MUSK: variants seen among roughly 807,000 people sequenced by gnomAD.
The protein encoded by MUSK is muscle associated receptor tyrosine kinase.
MUSK carries 55 observed loss-of-function variants against 88.7 expected under a neutral mutation model. The ratio of observed to expected loss-of-function variants is 0.62; its 90% confidence interval spans 0.50 to 0.78. The LOEUF is 0.78. Ranked by LOEUF, MUSK falls within the 30% of genes least tolerant of loss-of-function variation. The pLI is 0.00. For missense variants in MUSK, 1,015 were observed against 1,074.3 expected (o/e 0.94, Z 0.77); for synonymous variants, 387 against 391.9 (o/e 0.99, Z 0.15).
chr9:110,728,553 T>C (rs778707221), intron 5 of MUSK: 1 of 664,702 alleles, frequency 1.5e-6, no homozygotes, highest in Non-Finnish European at 2.6e-6. Flanking sequence ...CTTATTGAAA[T>C]AAGAAACAAG....
At chr9:110,698,270 A>G (rs1338156084) in intron 5 of MUSK, among the ~76,000 whole-genome samples, 2 of 152,176 alleles carry the variant, frequency 1.3e-5, no homozygotes, top group African/African-American at 4.8e-5. Context: ...GGTTTGCTCT[A>G]TTTAATGAAG....
At chr9:110,797,172 A>C in intron 14 of MUSK, among the ~76,000 whole-genome samples, 1 of 138,036 alleles carries the variant, frequency 7.2e-6, no homozygotes, top group African/African-American at 2.7e-5. Context: ...CAAAAAAAAA[A>C]AAAAAAAAAA....
chr9:110,785,679 A>G lies in MUSK; in HGVS notation c.1739A>G (p.Asp580Gly), dbSNP rs2077844668. The G allele has an allele frequency of 1.2e-6, 2 of 1,610,470 alleles. No individual in the cohort carries two copies. Among genetic ancestry groups the G allele is most frequent in the South Asian group, 2.2e-5 (2 of 90,370 alleles). ...YPRNNIEYVRDIGEGAFGRVF... is the reference protein window; with the variant it reads ...YPRNNIEYVRGIGEGAFGRVF... ...AGGAATAACATTGAATATGTGAGAG[A>G]CATCGGAGAGGGAGCGTTTGGAAGG... The change falls in exon 13 of 15, where the codon GAC becomes GGC. Residue 580 changes from aspartate (D) to glycine (G), a missense_variant. Asp to Gly is a moderately conservative substitution (Grantham distance 94). Coordinates refer to ENST00000374448, the MANE Select transcript of MUSK (RefSeq NM_005592.4).
intron 1 of MUSK, among the ~76,000 whole-genome samples, chr9:110,680,019 C>T (rs1011311263): frequency 6.6e-6 from 1 of 152,048 alleles, no homozygotes; most frequent in Non-Finnish European, 1.5e-5. Context: ...TTATAACTCA[C>T]CCCTTTCTTT....
chr9:110,696,784 A>C (rs2076435092), intron 4 of MUSK, among the ~76,000 whole-genome samples: 1 of 152,098 alleles, frequency 6.6e-6, no homozygotes, highest in African/African-American at 2.4e-5. Flanking sequence ...GATAGTTAAA[A>C]GCAATGTGTT....
chr9:110,680,429 G>C (rs1313895273), intron 1 of MUSK, among the ~76,000 whole-genome samples: 1 of 149,012 alleles, frequency 6.7e-6, no homozygotes. Context: ...TATCACTCAG[G>C]CTGGAGTGCA....
chr9:110,784,972 T>C lies in MUSK; in HGVS notation c.1542T>C (p.Thr514=). 1.2e-6 allele frequency: 2 copies of C among 1,613,778 alleles called. No individual in the cohort carries two copies. The highest frequency in any genetic ancestry group is 1.7e-6 in the Non-Finnish European group (2 of 1,179,830). ...TATTTGTGCTTCTTACCATAACTAC[T>C]CTCTATTGCTGCCGAAGAAGAAAAC... is the stretch of plus-strand genomic sequence containing the variant. The part of the protein sequence containing the change: ...FAIFVLLTIT[T]LYCCRRRKQW... Residue 514 remains threonine, a synonymous_variant, in exon 12 of 15, where the codon ACT becomes ACC. Coordinates refer to ENST00000374448, the MANE Select transcript of MUSK (RefSeq NM_005592.4).
chr9:110,769,459 A>C (rs1349246828), intron 9 of MUSK, among the ~76,000 whole-genome samples: 1 of 152,154 alleles, frequency 6.6e-6, no homozygotes, highest in Non-Finnish European at 1.5e-5. Context: ...AAGGGGAAAG[A>C]GAAGGAGAGA....
intron 5 of MUSK, among the ~76,000 whole-genome samples, chr9:110,708,303 T>C (rs564379728): frequency 1.3e-5 from 2 of 152,322 alleles, no homozygotes; most frequent in East Asian, 1.9e-4. Flanking sequence ...TGATTTGCTT[T>C]TTCCTTTGTT....
chr9:110,780,967 C>G (rs1361800249), intron 11 of MUSK, among the ~76,000 whole-genome samples: 1 of 152,122 alleles, frequency 6.6e-6, no homozygotes, highest in African/African-American at 2.4e-5. Flanking sequence ...TGCTATTCCA[C>G]CTCGTAAAAC....
chr9:110,688,732 G>A lies in MUSK; in HGVS notation c.358+1464G>A, dbSNP rs1308108881. Among the ~76,000 whole-genome samples, 3 of 151,760 alleles carry A rather than the reference G, an allele frequency of 2.0e-5. No homozygotes were observed. The East Asian group carries it at 5.8e-4, about 29-fold the overall frequency. ...ATGCAGTGTTTGGTTATCTGTTCCT[G>A]CATTAGTTTACTGAGGATAATGGCT... is the stretch of plus-strand genomic sequence containing the variant. On this transcript the variant is annotated intron_variant, in intron 3 of 14. Coordinates refer to ENST00000374448, the MANE Select transcript of MUSK (RefSeq NM_005592.4).
chr9:110,776,527 A>C (rs1252847049), intron 10 of MUSK, 105 bp from the exon 11 acceptor site: 2 of 923,916 alleles, frequency 2.2e-6, no homozygotes, highest in African/African-American at 3.3e-5. Context: ...GTTGTATATT[A>C]AAAAGCTGAG....
chr9:110,765,762 C>G (rs2077472309), intron 8 of MUSK, among the ~76,000 whole-genome samples: 1 of 152,014 alleles, frequency 6.6e-6, no homozygotes, highest in African/African-American at 2.4e-5. Flanking sequence ...TTAGTAGAGA[C>G]TGGGTTTCTC....
chr9:110,781,257 TTTTG>T (rs1232845236), intron 11 of MUSK, among the ~76,000 whole-genome samples: 1 of 10,010 alleles, frequency 1.0e-4, no homozygotes, highest in Non-Finnish European at 3.5e-4. Flanking sequence ...GTGTGTGTTT[TTTTG>T]TTTTGTTTTG....
At chr9:110,702,917 A>AC (rs1008998637) in intron 5 of MUSK, among the ~76,000 whole-genome samples, 2 of 151,784 alleles carry the variant, frequency 1.3e-5, no homozygotes, top group African/African-American at 2.4e-5. Context: ...ATAATAAAAA[A>AC]CCTACATACA....
At chr9:110,767,669 C>T (rs1260920943) in intron 8 of MUSK, 151 bp from the exon 9 acceptor site, 2 of 803,076 alleles carry the variant, frequency 2.5e-6, no homozygotes, top group South Asian at 3.1e-5. Context: ...GAAATGAAGA[C>T]AATATTCAAA....
chr9:110,770,611 C>G (rs1416276675), intron 9 of MUSK, among the ~76,000 whole-genome samples: 1 of 150,838 alleles, frequency 6.6e-6, no homozygotes, highest in African/African-American at 2.4e-5. Context: ...CAGAATGATG[C>G]TAAGTTTATA....
intron 11 of MUSK, among the ~76,000 whole-genome samples, chr9:110,777,177 G>T (rs1184462124): frequency 6.6e-6 from 1 of 152,060 alleles, no homozygotes; most frequent in Non-Finnish European, 1.5e-5. Flanking sequence ...CTCTGGGAAA[G>T]AATTCAAGAA....
At chr9:110,785,148 T>A (rs2077833172) in intron 12 of MUSK, 132 bp downstream of exon 12, 4 of 796,504 alleles carry the variant, frequency 5.0e-6, no homozygotes, top group South Asian at 3.8e-5. Context: ...GCTTTAAAAT[T>A]AAGCACCCCC....
Sources: gnomAD v4.1 joint callset for allele counts (sites outside exome capture counted in the v4.1 genomes callset) on GRCh38, gnomAD v4.1.1 for gene constraint, MANE v1.5 for transcripts, NCBI Gene and HGNC (gene_info 2026-07-23, HGNC 2026-07-21) for gene names.